SMYD3: variants seen among roughly 807,000 people sequenced by gnomAD.
SMYD3 encodes SET and MYND domain containing 3, also known as histone-lysine N-methyltransferase SMYD3.
Under a neutral mutation model 57.7 loss-of-function variants are expected in SMYD3, and 36 were observed. The ratio of observed to expected loss-of-function variants is 0.62; its 90% CI spans 0.48 to 0.82. The LOEUF (loss-of-function observed/expected upper bound fraction) is 0.82. Among genes scored for constraint, SMYD3 ranks in the 40% least tolerant of loss-of-function variants. The pLI is 0.00. For synonymous variants in SMYD3, 211 were observed against 195.0 expected (o/e 1.08, Z -0.68); for missense variants, 515 against 538.8 (o/e 0.96, Z 0.44).
intron 10 of SMYD3, among the ~76,000 whole-genome samples, chr1:245,825,445 C>T (rs1263595815): frequency 6.6e-6 from 1 of 152,178 alleles, no homozygotes; most frequent in South Asian, 2.1e-4. Context: ...GATTGACAGG[C>T]GGCCCCTCTA....
In SMYD3 at chr1:246,044,231, A is replaced by C. The variant is rs141994704; in HGVS notation, c.532-114294T>G. On this transcript the variant is annotated intron_variant, in intron 5 of 11. Coordinates refer to ENST00000490107, the MANE Select transcript of SMYD3 (RefSeq NM_001167740.2). The stretch of plus-strand genomic sequence containing the variant: ...TGTGCAAAAAAAAATTCATTACCTC[A>C]ATTTAGTTCTCAGTGCAAATTATAA... Among the ~76,000 whole-genome samples, 83 of 152,330 alleles carry C rather than the reference A, an allele frequency of 5.4e-4. 1 individual carries two copies. The East Asian group carries it at 0.014, about 25-fold the overall frequency.
chr1:246,255,551 T>C (rs2148508858), intron 5 of SMYD3, among the ~76,000 whole-genome samples: 1 of 152,154 alleles, frequency 6.6e-6, no homozygotes, highest in Middle Eastern at 3.4e-3. Flanking sequence ...TAATAAAGTT[T>C]TTGATGTGCT....
intron 1 of SMYD3, among the ~76,000 whole-genome samples, chr1:246,458,869 A>T (rs961753193): frequency 9.2e-5 from 14 of 152,044 alleles, no homozygotes; most frequent in African/African-American, 3.1e-4. Context: ...CTGAATTAAC[A>T]CTTTTGCAAG....
intron 5 of SMYD3, among the ~76,000 whole-genome samples, chr1:245,985,905 C>T (rs2058694682): frequency 1.3e-5 from 2 of 152,140 alleles, no homozygotes; most frequent in African/African-American, 4.8e-5. Flanking sequence ...TCCATTACAG[C>T]AATTACCTGT....
intron 10 of SMYD3, among the ~76,000 whole-genome samples, chr1:245,793,163 G>A (rs2047366558): frequency 1.3e-5 from 2 of 149,662 alleles, no homozygotes; most frequent in South Asian, 4.3e-4. Flanking sequence ...CAAAAAATGA[G>A]CCGGGCATGG....
chr1:245,861,756 CA>C (rs1213046235), intron 9 of SMYD3, among the ~76,000 whole-genome samples: 1 of 152,176 alleles, frequency 6.6e-6, no homozygotes, highest in Non-Finnish European at 1.5e-5. Context: ...TTCAACTTCC[CA>C]AAGTTGACTA....
chr1:246,070,855 A>AT (rs1230321442), intron 5 of SMYD3, among the ~76,000 whole-genome samples: 2 of 152,246 alleles, frequency 1.3e-5, no homozygotes, highest in Non-Finnish European at 2.9e-5. Flanking sequence ...TTTATGTGTA[A>AT]TTGGTATGTT....
At chr1:246,288,486 G>C (rs1416412540) in intron 5 of SMYD3, among the ~76,000 whole-genome samples, 1 of 152,036 alleles carries the variant, frequency 6.6e-6, no homozygotes, top group Admixed American at 6.6e-5. Context: ...GACCCAGTGG[G>C]GGTAATGCAG....
At chr1:245,961,225 C>T (rs1453325661) in intron 5 of SMYD3, among the ~76,000 whole-genome samples, 4 of 152,328 alleles carry the variant, frequency 2.6e-5, no homozygotes, top group Middle Eastern at 6.8e-3. Context: ...TCTCTCTTCT[C>T]ATAGAAACAG....
chr1:246,210,962 G>A (rs1183391215), intron 5 of SMYD3, among the ~76,000 whole-genome samples: 1 of 152,116 alleles, frequency 6.6e-6, no homozygotes, highest in Admixed American at 6.5e-5. Flanking sequence ...ACTGTCCCAG[G>A]CGCGTCTGCT....
At chr1:246,208,194 C>A (rs375729535) in intron 5 of SMYD3, among the ~76,000 whole-genome samples, 4 of 152,046 alleles carry the variant, frequency 2.6e-5, no homozygotes, top group African/African-American at 9.7e-5. Context: ...TTTGATTCTG[C>A]AACAGAGGTC....
intron 8 of SMYD3, among the ~76,000 whole-genome samples, chr1:245,867,083 A>T (rs993694154): frequency 6.6e-6 from 1 of 152,250 alleles, no homozygotes; most frequent in African/African-American, 2.4e-5. Context: ...GATGGGATTA[A>T]GGTTGCTAAT....
At chr1:246,053,774 A>G (rs2060102459) in intron 5 of SMYD3, among the ~76,000 whole-genome samples, 1 of 151,782 alleles carries the variant, frequency 6.6e-6, no homozygotes, top group South Asian at 2.1e-4. Context: ...ATGTAGTGAG[A>G]CCCGATCTCT....
chr1:245,937,120 A>T (rs1414828553), intron 5 of SMYD3, among the ~76,000 whole-genome samples: 1 of 152,194 alleles, frequency 6.6e-6, no homozygotes, highest in East Asian at 1.9e-4. Flanking sequence ...TGTTTTCACA[A>T]CTGCAGTGGT....
At chr1:245,993,579 A>AAGAT (rs1210624302) in intron 5 of SMYD3, among the ~76,000 whole-genome samples, 1,467 of 29,914 alleles carry the variant, frequency 0.049, 22 homozygotes, top group Admixed American at 0.13. Context: ...AAAAAAAAAA[A>AAGAT]AGATAGATAG....
At chr1:245,975,698 C>T (rs2058404665) in intron 5 of SMYD3, among the ~76,000 whole-genome samples, 1 of 5,656 alleles carries the variant, frequency 1.8e-4, no homozygotes, top group Admixed American at 1.0e-3. Flanking sequence ...GGAAAGCCAT[C>T]GTCTCCGGCC....
At chr1:245,984,650 T>C (rs537765511) in intron 5 of SMYD3, among the ~76,000 whole-genome samples, 9 of 152,362 alleles carry the variant, frequency 5.9e-5, no homozygotes, top group African/African-American at 2.2e-4. Flanking sequence ...TTCCAGGTGA[T>C]GTTTTATGAT....
At chr1:246,445,729 C>A (rs902510816) in intron 1 of SMYD3, among the ~76,000 whole-genome samples, 2 of 152,198 alleles carry the variant, frequency 1.3e-5, no homozygotes, top group Admixed American at 6.5e-5. Context: ...CTTCCAGCCA[C>A]TTGTCTGAGA....
intron 5 of SMYD3, among the ~76,000 whole-genome samples, chr1:246,011,100 T>A (rs915129968): frequency 1.3e-5 from 2 of 152,198 alleles, no homozygotes; most frequent in Admixed American, 6.5e-5. Context: ...GATCTAATGG[T>A]GTATTAGCAA....
Sources: gnomAD v4.1 joint callset for allele counts (sites outside exome capture counted in the v4.1 genomes callset) on GRCh38, gnomAD v4.1.1 for gene constraint, MANE v1.5 for transcripts, NCBI Gene and HGNC (gene_info 2026-07-23, HGNC 2026-07-21) for gene names.